The following TACR1 variants were observed in gnomAD, a reference collection of about 807,000 sequenced individuals.
TACR1 encodes the protein tachykinin receptor 1, also known as substance-P receptor.
A neutral mutation model predicts 35.8 loss-of-function variants in TACR1; 25 were observed. That is an observed-to-expected ratio of 0.70 (90% CI 0.51 to 0.98). The LOEUF is 0.98. Among genes scored for constraint, TACR1 ranks in the 50% least tolerant of loss-of-function variants. The pLI is 0.00. For synonymous variants in TACR1, 195 were observed against 206.7 expected (o/e 0.94, Z 0.48); for missense variants, 478 against 522.9 (o/e 0.91, Z 0.84).
intron 2 of TACR1, among the ~76,000 whole-genome samples, chr2:75,066,196 C>G (rs1022119542): frequency 6.6e-6 from 1 of 152,098 alleles, no homozygotes; most frequent in Non-Finnish European, 1.5e-5. Context: ...ATCTCATTAC[C>G]TCTGGGACTT....
In TACR1 at chr2:75,048,391, GAA is replaced by G. The variant is rs1672399717; in HGVS notation, c.*1039_*1040del. 1 of 152,198 alleles carries G rather than the reference GAA, an allele frequency of 6.6e-6. No individual in the cohort carries two copies. Among genetic ancestry groups the G allele is most frequent in the Non-Finnish European group, 1.5e-5 (1 of 68,044 alleles). 9.4% of individuals were successfully genotyped at this position (152,198 alleles called of 1,614,324 possible). On this transcript the variant is annotated 3_prime_UTR_variant, in exon 5 of 5. Coordinates refer to ENST00000305249, the MANE Select transcript of TACR1 (RefSeq NM_001058.4). Reference sequence around the variant, plus strand: ...GCTGGATGGATGCAGGCCTTGGCATGAAGTCCTCTGCTCTGTCAAAAGCCAAA... The same window carrying G: ...GCTGGATGGATGCAGGCCTTGGCATGGTCCTCTGCTCTGTCAAAAGCCAAA...
intron 2 of TACR1, among the ~76,000 whole-genome samples, chr2:75,083,701 A>C (rs1673136401): frequency 6.6e-6 from 1 of 152,116 alleles, no homozygotes; most frequent in Admixed American, 6.6e-5. Context: ...GTGAATGGGA[A>C]TTCACTCATG....
chr2:75,090,279 T>C (rs1375482082), intron 2 of TACR1, among the ~76,000 whole-genome samples: 2 of 152,160 alleles, frequency 1.3e-5, no homozygotes, highest in Non-Finnish European at 2.9e-5. Flanking sequence ...CCCCCAACCA[T>C]CTAAACAGAC....
At position 75,048,250 on chromosome 2, in the gene TACR1, A is replaced by G. The variant is rs1352997624; in HGVS notation, c.*1182T>C. On this transcript the variant is annotated 3_prime_UTR_variant, in exon 5 of 5. Coordinates refer to ENST00000305249, the MANE Select transcript of TACR1 (RefSeq NM_001058.4). ...GCACATATGAGCACGATGCTAGTGT[A>G]AAACTAAGAATGAAGGTTAGGGCCC... 2 of 152,254 alleles carry G rather than the reference A, an allele frequency of 1.3e-5. No individual in the cohort carries two copies. Among genetic ancestry groups the G allele is most frequent in the African/African-American group, 4.8e-5 (2 of 41,472 alleles). 9.4% of individuals were successfully genotyped at this position (152,254 alleles called of 1,614,324 possible).
chr2:75,064,921 G>T (rs1002268897), intron 2 of TACR1, among the ~76,000 whole-genome samples: 1 of 152,198 alleles, frequency 6.6e-6, no homozygotes, highest in East Asian at 1.9e-4. Flanking sequence ...TTAGGGTGGA[G>T]AAGAGGATGT....
chr2:75,061,187 G>A (rs1672665679), intron 2 of TACR1, among the ~76,000 whole-genome samples: 1 of 151,644 alleles, frequency 6.6e-6, no homozygotes, highest in African/African-American at 2.4e-5. Context: ...AATTCCAGGG[G>A]AGAGGCTGGA....
At chr2:75,145,356 A>G (rs1220835917) in intron 1 of TACR1, among the ~76,000 whole-genome samples, 1 of 152,342 alleles carries the variant, frequency 6.6e-6, no homozygotes, top group East Asian at 1.9e-4. Context: ...TATTATTAGT[A>G]GTAACATTGT....
intron 1 of TACR1, among the ~76,000 whole-genome samples, chr2:75,175,344 T>C (rs1408138336): frequency 6.6e-6 from 1 of 152,162 alleles, no homozygotes; most frequent in Non-Finnish European, 1.5e-5. Context: ...ATCTTATAAT[T>C]ACCCAAACCT....
At chr2:75,083,489 G>A (rs1282869283) in intron 2 of TACR1, among the ~76,000 whole-genome samples, 1 of 152,082 alleles carries the variant, frequency 6.6e-6, no homozygotes, top group Non-Finnish European at 1.5e-5. Flanking sequence ...TGATGGGAAT[G>A]GCATTGAATC....
At chr2:75,181,294 AGC>A in intron 1 of TACR1, among the ~76,000 whole-genome samples, 1 of 152,204 alleles carries the variant, frequency 6.6e-6, no homozygotes, top group Non-Finnish European at 1.5e-5. Flanking sequence ...CATTTTGAAA[AGC>A]TTCTTTCCAA....
In TACR1 at chr2:75,049,587, T is replaced by G. The variant is rs752029294; in HGVS notation, c.1069A>C (p.Thr357Pro). The G allele has an allele frequency of 1.9e-6, 3 of 1,614,090 alleles. No homozygotes were observed. The Admixed American group carries it at 5.0e-5, about 27-fold the overall frequency. Reference protein sequence around the residue: ...SVYKVSRLETTISTVVGAHEE... With the variant: ...SVYKVSRLETPISTVVGAHEE... ...TGGGCCCCCACCACTGTGGAGATGGTGGTCTCCAGGCGGCTGACTTTGTAC... is the reference window on the plus strand; with the variant it reads ...TGGGCCCCCACCACTGTGGAGATGGGGGTCTCCAGGCGGCTGACTTTGTAC... The change falls in exon 5 of 5, where the codon ACC (threonine) becomes CCC (proline). Residue 357 changes from threonine to proline, a missense_variant. Thr to Pro is a conservative substitution (Grantham distance 38). Transcript: ENST00000305249.
chr2:75,094,859 A>ATTTTTTTTTTTTTTT lies in TACR1; in HGVS notation c.584+25714_584+25715insAAAAAAAAAAAAAAA, dbSNP rs58283121. Among the ~76,000 whole-genome samples the ATTTTTTTTTTTTTTT allele has an allele frequency of 1.1e-4, 12 of 113,130 alleles. 1 individual carries two copies. Among genetic ancestry groups the ATTTTTTTTTTTTTTT allele is most frequent in the African/African-American group, 5.8e-4 (12 of 20,828 alleles). 74.2% of individuals were successfully genotyped at this position (113,130 alleles called of 152,430 possible). A position where few individuals can be genotyped will look rare whatever the true frequency, so the allele number is the denominator to read the frequency against. On this transcript the variant is annotated intron_variant, in intron 2 of 4. Coordinates refer to ENST00000305249, the MANE Select transcript of TACR1 (RefSeq NM_001058.4). ...GAAACATATATATATATATATATAT[A>ATTTTTTTTTTTTTTT]TTTTTTTTTTTTTTGCCCAAGATGG...
chr2:75,111,682 T>C (rs1005152580), intron 2 of TACR1, among the ~76,000 whole-genome samples: 2 of 151,978 alleles, frequency 1.3e-5, no homozygotes, highest in African/African-American at 4.8e-5. Flanking sequence ...ATATCCAAGA[T>C]TGTTAACAGA....
intron 2 of TACR1, among the ~76,000 whole-genome samples, chr2:75,112,366 T>C (rs7587891): frequency 0.16 from 24,108 of 152,002 alleles, 2,493 homozygotes; most frequent in East Asian, 0.48. Context: ...CTCTTTCAGA[T>C]GATTCACTTT....
At chr2:75,120,812 A>C in intron 1 of TACR1, 44 bp from the exon 2 acceptor site, 1 of 1,472,134 alleles carries the variant, frequency 6.8e-7, no homozygotes, top group Non-Finnish European at 9.1e-7. Flanking sequence ...TGGTCACCAA[A>C]ATCTGTATCA....
chr2:75,103,935 A>G (rs546412267), intron 2 of TACR1, among the ~76,000 whole-genome samples: 11 of 152,238 alleles, frequency 7.2e-5, no homozygotes, highest in African/African-American at 2.4e-4. Context: ...AAGGAATCAA[A>G]GCATACTATT....
At chr2:75,171,292 T>C (rs1179214051) in intron 1 of TACR1, among the ~76,000 whole-genome samples, 1 of 152,180 alleles carries the variant, frequency 6.6e-6, no homozygotes, top group Non-Finnish European at 1.5e-5. Flanking sequence ...TTACATGTGG[T>C]GTTGGGTCTG....
At chr2:75,094,080 A>G (rs997514856) in intron 2 of TACR1, among the ~76,000 whole-genome samples, 2 of 152,210 alleles carry the variant, frequency 1.3e-5, no homozygotes, top group Non-Finnish European at 2.9e-5. Context: ...ACTCTGTCCC[A>G]TGTGCAGATA....
intron 2 of TACR1, among the ~76,000 whole-genome samples, chr2:75,081,461 C>G (rs1345610837): frequency 6.6e-6 from 1 of 152,284 alleles, no homozygotes; most frequent in East Asian, 1.9e-4. Flanking sequence ...CTGTGTGAGC[C>G]TCTTCCATTG....
Sources: gnomAD v4.1 joint callset for allele counts (sites outside exome capture counted in the v4.1 genomes callset) on GRCh38, gnomAD v4.1.1 for gene constraint, MANE v1.5 for transcripts, NCBI Gene and HGNC (gene_info 2026-07-23, HGNC 2026-07-21) for gene names.